The following DCTN3 variants were observed in gnomAD, a reference collection of about 807,000 sequenced individuals.
DCTN3 encodes the protein dynactin subunit 3, also known as dynactin 3 (p22).
DCTN3 carries 25 observed loss-of-function variants against 28.4 expected under a neutral mutation model. That is an observed-to-expected ratio of 0.88 (90% CI 0.64 to 1.23). DCTN3 has a LOEUF of 1.23. Among genes scored for constraint, DCTN3 ranks in the 50% most tolerant of loss-of-function variants. The pLI, the probability that DCTN3 is intolerant of heterozygous loss-of-function variation, is 0.00. For missense variants in DCTN3, 229 were observed against 232.0 expected (o/e 0.99, Z 0.08); for synonymous variants, 81 against 91.4 (o/e 0.89, Z 0.65).
chr9:34,620,389 CG>C lies in DCTN3; in HGVS notation c.75del (p.Ala27ArgfsTer28). ...CTCACCTTCCGTGAGCCGCGCGCCC[CG>C]CCCGGCCCGTACACCCAGCGCTCCA... The part of the protein sequence containing the change: ...EELERWVYGP[G>X]GARGSRKVAD... On this transcript the variant is annotated frameshift_variant, in exon 1 of 7. Transcript: ENST00000259632. LOFTEE classifies it high-confidence loss of function. The C allele has an allele frequency of 6.2e-7, 1 of 1,601,832 alleles. No individual in the cohort carries two copies. Among genetic ancestry groups the C allele is most frequent in the Non-Finnish European group, 8.5e-7 (1 of 1,174,800 alleles).
intron 2 of DCTN3, among the ~76,000 whole-genome samples, chr9:34,618,388 T>A (rs1820471502): frequency 6.6e-6 from 1 of 152,204 alleles, no homozygotes; most frequent in Admixed American, 6.5e-5. Context: ...CCCCTTAACC[T>A]TGCCTGGGAA....
chr9:34,620,132 G>A (rs1358664761), intron 1 of DCTN3, among the ~76,000 whole-genome samples: 1 of 152,166 alleles, frequency 6.6e-6, no homozygotes, highest in Non-Finnish European at 1.5e-5. Context: ...CGAGGGCAAG[G>A]GCGGAGTCTC....
intron 3 of DCTN3, among the ~76,000 whole-genome samples, chr9:34,617,202 G>A (rs1820442228): frequency 6.6e-6 from 1 of 152,150 alleles, no homozygotes; most frequent in Non-Finnish European, 1.5e-5. Flanking sequence ...GCACTGATCA[G>A]TCTCCTGGGA....
chr9:34,620,471 TA>T lies in DCTN3; in HGVS notation c.-8del. On this transcript the variant is annotated 5_prime_UTR_variant, in exon 1 of 7. Coordinates refer to ENST00000259632, the MANE Select transcript of DCTN3 (RefSeq NM_007234.5). ...AGTCAGTCAGACCCGCCATCGCTAC[TA>T]CCGACCCACCTCGGCCAGGAAACAG... 2 of 1,549,206 alleles carry T rather than the reference TA, an allele frequency of 1.3e-6. No homozygotes were observed. The highest frequency in any genetic ancestry group is 2.4e-5 in the South Asian group (2 of 84,172).
At position 34,620,441 on chromosome 9, in the gene DCTN3, C is replaced by A. The variant is rs760722293; in HGVS notation, c.24G>T (p.Gln8His). The change falls in exon 1 of 7, where the codon CAG becomes CAT. Residue 8 changes from glutamine (Q) to histidine (H), a missense_variant. Coordinates refer to ENST00000259632, the MANE Select transcript of DCTN3 (RefSeq NM_007234.5). ...GCTCTTCCACTCGGGCCTGTAGCCGCTGCAAGTCAGTCAGACCCGCCATCG... is the reference window on the plus strand; with the variant it reads ...GCTCTTCCACTCGGGCCTGTAGCCGATGCAAGTCAGTCAGACCCGCCATCG... MAGLTDL[Q>H]RLQARVEELE... 1 of 1,555,856 alleles carries A rather than the reference C, an allele frequency of 6.4e-7. No homozygotes were observed. The highest frequency in any genetic ancestry group is 1.9e-5 in the Admixed American group (1 of 51,508).
chr9:34,617,710 T>C (rs1307729093), intron 3 of DCTN3, 175 bp downstream of exon 3: 1 of 1,503,352 alleles, frequency 6.7e-7, no homozygotes, highest in African/African-American at 1.4e-5. Context: ...TATACTGTAC[T>C]CAATGTCTAC....
intron 1 of DCTN3, among the ~76,000 whole-genome samples, chr9:34,619,337 C>T (rs1367583419): frequency 2.0e-5 from 3 of 152,204 alleles, no homozygotes; most frequent in Non-Finnish European, 4.4e-5. Flanking sequence ...ACATAAAAGT[C>T]TGGTTCTCAG....
At position 34,620,359 on chromosome 9, in the gene DCTN3, GACT is replaced by G; in HGVS notation, c.96+7_96+9del. 5.0e-6 allele frequency: 8 copies of G among 1,612,406 alleles called. No homozygotes were observed. Among genetic ancestry groups the G allele is most frequent in the Non-Finnish European group, 6.8e-6 (8 of 1,179,360 alleles). On this transcript the variant is annotated splice_region_variant and intron_variant, in intron 1 of 6. Coordinates refer to ENST00000259632, the MANE Select transcript of DCTN3 (RefSeq NM_007234.5). The stretch of plus-strand genomic sequence containing the variant: ...GCTCCAGAAAGGGACTACCGGACCA[GACT>G]ACTCACCTTCCGTGAGCCGCGCGCC...
In DCTN3 at chr9:34,613,632, A is replaced by G. The variant is rs1128305; in HGVS notation, c.*150T>C. 1.9e-6 allele frequency: 2 copies of G among 1,050,976 alleles called. No individual in the cohort carries two copies. Among genetic ancestry groups the G allele is most frequent in the South Asian group, 3.3e-5 (2 of 61,450 alleles). The allele number at this position is 1,050,976 out of a possible 1,614,324, so 65.1% of individuals were successfully genotyped here. A position where few individuals can be genotyped will look rare whatever the true frequency, so the allele number is the denominator to read the frequency against. ...TGTTGCAAATTGCAAACCTCAGGTAACCTGACCTCCAACTTTAGAGCCCAG... is the reference window on the plus strand; with the variant it reads ...TGTTGCAAATTGCAAACCTCAGGTAGCCTGACCTCCAACTTTAGAGCCCAG... On this transcript the variant is annotated 3_prime_UTR_variant, in exon 7 of 7. Coordinates refer to ENST00000259632, the MANE Select transcript of DCTN3 (RefSeq NM_007234.5).
intron 3 of DCTN3, 50 bp downstream of exon 3, chr9:34,617,835 C>T (rs1260748730): frequency 6.2e-7 from 1 of 1,609,434 alleles, no homozygotes; most frequent in Non-Finnish European, 8.5e-7. Context: ...GCTTAACCTC[C>T]CCGACGACCC....
At chr9:34,614,550 C>T (rs529038758) in intron 5 of DCTN3, 160 bp downstream of exon 5, 10 of 762,388 alleles carry the variant, frequency 1.3e-5, no homozygotes, top group South Asian at 1.1e-4. Flanking sequence ...TAGGCAAGTC[C>T]CTTTACCTCC....
chr9:34,619,754 C>T (rs985647023), intron 1 of DCTN3, among the ~76,000 whole-genome samples: 1 of 152,166 alleles, frequency 6.6e-6, no homozygotes. Context: ...ATGCCTGACA[C>T]GCCATCAGAA....
chr9:34,614,171 C>T (rs1450081831), intron 5 of DCTN3, 70 bp from the exon 6 acceptor site: 4 of 1,613,250 alleles, frequency 2.5e-6, no homozygotes, highest in Non-Finnish European at 2.5e-6. Flanking sequence ...CTTCCTGCCT[C>T]ATCACGGACT....
chr9:34,615,761 G>A, intron 4 of DCTN3: 1 of 297,200 alleles, frequency 3.4e-6, no homozygotes, highest in East Asian at 7.2e-5. Flanking sequence ...AAAATAGCCA[G>A]GTGTGGTGGC....
At chr9:34,614,194 G>A in intron 5 of DCTN3, 93 bp from the exon 6 acceptor site, 6 of 1,607,958 alleles carry the variant, frequency 3.7e-6, no homozygotes, top group Non-Finnish European at 5.1e-6. Context: ...CACTCCCCAT[G>A]GAGCCTAAAA....
chr9:34,618,836 C>G (rs2132304241), intron 1 of DCTN3, 76 bp from the exon 2 acceptor site: 1 of 1,138,386 alleles, frequency 8.8e-7, no homozygotes, highest in Non-Finnish European at 1.3e-6. Context: ...AACCCTCATT[C>G]TCCCAGACTC....
chr9:34,615,937 G>C, intron 4 of DCTN3, 93 bp downstream of exon 4: 4 of 891,836 alleles, frequency 4.5e-6, no homozygotes, highest in Non-Finnish European at 7.0e-6. Context: ...GACCCAACCC[G>C]AATCCACACA....
At position 34,620,381 on chromosome 9, in the gene DCTN3, G is replaced by T. The variant is rs1820528089; in HGVS notation, c.84C>A (p.Arg28=). The change falls in exon 1 of 7, where the codon CGC becomes CGA. Residue 28 remains arginine (R), a synonymous_variant. Coordinates refer to ENST00000259632, the MANE Select transcript of DCTN3 (RefSeq NM_007234.5). ...ERWVYGPGGA[R]GSRKVADGLV... is the part of the protein sequence containing the mutation. ...CCAGACTACTCACCTTCCGTGAGCC[G>T]CGCGCCCCGCCCGGCCCGTACACCC... 1 of 1,608,394 alleles carries T rather than the reference G, an allele frequency of 6.2e-7. No homozygotes were observed.
At chr9:34,618,596 G>A (rs1820476895) in intron 2 of DCTN3, 80 bp downstream of exon 2, 1 of 1,064,378 alleles carries the variant, frequency 9.4e-7, no homozygotes, top group African/African-American at 1.6e-5. Flanking sequence ...GTGACCTAAT[G>A]AACTGAAGGG....
Sources: allele counts gnomAD v4.1 joint callset (sites outside exome capture counted in the v4.1 genomes callset), GRCh38; gene constraint gnomAD v4.1.1; transcripts MANE v1.5; gene names NCBI Gene and HGNC (gene_info 2026-07-23, HGNC 2026-07-21).